The following SUDS3 variants were observed in gnomAD, a reference collection of about 807,000 sequenced individuals.
SUDS3 encodes sin3 histone deacetylase corepressor complex component SDS3.
SUDS3 carries 23 observed loss-of-function variants against 53.5 expected under a neutral mutation model. The observed-to-expected ratio is 0.43, with a 90% CI of 0.31 to 0.61. The LOEUF is 0.61. Ranked by LOEUF, SUDS3 falls within the 20% of genes least tolerant of loss-of-function variation. The pLI, the probability that SUDS3 is intolerant of heterozygous loss-of-function variation, is 0.10. For synonymous variants in SUDS3, 150 were observed against 148.5 expected (o/e 1.01, Z -0.08); for missense variants, 291 against 405.9 (o/e 0.72, Z 2.43).
At chr12:118,383,928 C>T (rs2046090569) in intron 2 of SUDS3, 84 bp from the exon 3 acceptor site, 2 of 1,283,756 alleles carry the variant, frequency 1.6e-6, no homozygotes, top group African/African-American at 3.0e-5. Context: ...CCCATAACAG[C>T]CCAGCTAATT....
At chr12:118,412,240 A>G (rs1404397253) in intron 11 of SUDS3, among the ~76,000 whole-genome samples, 1 of 152,238 alleles carries the variant, frequency 6.6e-6, no homozygotes, top group Non-Finnish European at 1.5e-5. Flanking sequence ...GTTGTTAGTT[A>G]AAGTTAAAAA....
Position 118,396,705 on chromosome 12 carries a change from T to C in SUDS3, c.518-3954T>C, listed in dbSNP as rs560152360. Among the ~76,000 whole-genome samples, 10 of 152,356 alleles carry C rather than the reference T, an allele frequency of 6.6e-5. No individual in the cohort carries two copies. The South Asian group carries it at 1.0e-3, about 16-fold the overall frequency. ...CTATAGGCAGGTATGCTGTTGGAAA[T>C]GAATGAATGGGCCTAGAGAAGTGCA... On this transcript the variant is annotated intron_variant, in intron 6 of 11. Transcript: ENST00000543473.
Position 118,416,352 on chromosome 12 carries a change from T to C in SUDS3, c.*1919T>C, listed in dbSNP as rs769842942. 1.3e-5 allele frequency: 2 copies of C among 152,122 alleles called. No homozygotes were observed. The highest frequency in any genetic ancestry group is 2.9e-5 in the Non-Finnish European group (2 of 68,024). 9.4% of individuals were successfully genotyped at this position (152,122 alleles called of 1,614,324 possible). A position where few individuals can be genotyped will look rare whatever the true frequency, so the allele number is the denominator to read the frequency against. ...TATTGATAACCACTGGGGTTCCGCA[T>C]TGAAGCAGGAACAAATTGCCTCTTT... On this transcript the variant is annotated 3_prime_UTR_variant, in exon 12 of 12. Coordinates refer to ENST00000543473, the MANE Select transcript of SUDS3 (RefSeq NM_022491.3).
intron 11 of SUDS3, 149 bp downstream of exon 11, chr12:118,411,306 C>T (rs1448621234): frequency 1.0e-5 from 7 of 687,742 alleles, no homozygotes; most frequent in Non-Finnish European, 1.7e-5. Flanking sequence ...GCAGAAATTG[C>T]ACATTGTCAA....
At chr12:118,383,875 A>T in intron 2 of SUDS3, 137 bp from the exon 3 acceptor site, 1 of 698,820 alleles carries the variant, frequency 1.4e-6, no homozygotes, top group South Asian at 2.0e-5. Flanking sequence ...GCCAGCAAGC[A>T]GACTTTACTT....
Position 118,414,592 on chromosome 12 carries a change from G to T in SUDS3, c.*159G>T. ...AGTGAATTCTTTAGGGCACTTTTGT[G>T]GCCGGATGCTTCCAACTTTGTCAGT... is the stretch of plus-strand genomic sequence containing the variant. On this transcript the variant is annotated 3_prime_UTR_variant, in exon 12 of 12. Transcript: ENST00000543473. The T allele has an allele frequency of 1.9e-6, 1 of 528,486 alleles. No homozygotes were observed. The highest frequency in any genetic ancestry group is 3.2e-6 in the Non-Finnish European group (1 of 310,722). The allele number at this position is 528,486 out of a possible 1,614,324, so 32.7% of individuals were successfully genotyped here.
chr12:118,405,742 C>T (rs2046303196), intron 10 of SUDS3, among the ~76,000 whole-genome samples: 2 of 152,224 alleles, frequency 1.3e-5, no homozygotes, highest in Non-Finnish European at 2.9e-5. Flanking sequence ...CCTGGGAATA[C>T]TGGCTGAGGT....
intron 5 of SUDS3, among the ~76,000 whole-genome samples, chr12:118,390,619 A>G (rs1314796105): frequency 6.6e-6 from 1 of 152,174 alleles, no homozygotes; most frequent in African/African-American, 2.4e-5. Flanking sequence ...TTAGCCCACC[A>G]TAGGCCCCTA....
intron 6 of SUDS3, among the ~76,000 whole-genome samples, chr12:118,393,659 CTT>C (rs536968059): frequency 2.1e-5 from 3 of 144,346 alleles, no homozygotes; most frequent in African/African-American, 7.6e-5. Context: ...TTCTTTCTTT[CTT>C]TTTTTTTTTT....
At chr12:118,396,581 C>T (rs926002329) in intron 6 of SUDS3, among the ~76,000 whole-genome samples, 8 of 152,196 alleles carry the variant, frequency 5.3e-5, no homozygotes, top group African/African-American at 1.7e-4. Context: ...AAGGATGACC[C>T]TTTGAATCAC....
intron 5 of SUDS3, among the ~76,000 whole-genome samples, 177 bp downstream of exon 5, chr12:118,390,123 G>T (rs1341563102): frequency 1.3e-5 from 2 of 152,172 alleles, no homozygotes; most frequent in Non-Finnish European, 2.9e-5. Flanking sequence ...GTCATTTGTT[G>T]TTGCGCAGCC....
chr12:118,383,095 T>C (rs943971745), intron 2 of SUDS3, among the ~76,000 whole-genome samples: 1 of 152,220 alleles, frequency 6.6e-6, no homozygotes, highest in Non-Finnish European at 1.5e-5. Flanking sequence ...TCTCAAATTC[T>C]GCCTACTCTC....
At chr12:118,383,990 T>A in intron 2 of SUDS3, 22 bp from the exon 3 acceptor site, 1 of 1,598,182 alleles carries the variant, frequency 6.3e-7, no homozygotes, top group Non-Finnish European at 8.5e-7. Context: ...TATCTGTTAG[T>A]GTGACTTTTT....
At chr12:118,384,557 G>A (rs1249466621) in intron 3 of SUDS3, among the ~76,000 whole-genome samples, 1 of 152,210 alleles carries the variant, frequency 6.6e-6, no homozygotes, top group African/African-American at 2.4e-5. Flanking sequence ...GTGAGGCCAG[G>A]CGCGGTGGCT....
chr12:118,401,709 CTT>C lies in SUDS3; in HGVS notation c.614-48_614-47del. 2.7e-6 allele frequency: 4 copies of C among 1,474,762 alleles called. No homozygotes were observed. In the South Asian group the frequency reaches 3.4e-5, roughly 13 times the overall value. The allele number at this position is 1,474,762 out of a possible 1,614,324, so 91.4% of individuals were successfully genotyped here. On this transcript the variant is annotated intron_variant, in intron 7 of 11. Coordinates refer to ENST00000543473, the MANE Select transcript of SUDS3 (RefSeq NM_022491.3). ...TACTGGTACCATTGTGTTGATTACT[CTT>C]TGCCTGGAAACTGTACTTTTCACAT...
intron 10 of SUDS3, among the ~76,000 whole-genome samples, chr12:118,406,736 T>C (rs882926): frequency 0.28 from 42,566 of 151,202 alleles, 6,101 homozygotes; most frequent in Middle Eastern, 0.39. Flanking sequence ...TTTACTACCC[T>C]GTTGATGTTG....
Position 118,376,588 on chromosome 12 carries a change from C to A in SUDS3, c.-104C>A. 1.6e-6 allele frequency: 2 copies of A among 1,242,952 alleles called. No individual in the cohort carries two copies. The highest frequency in any genetic ancestry group is 2.0e-6 in the Non-Finnish European group (2 of 989,526). The allele number at this position is 1,242,952 out of a possible 1,614,324, so 77.0% of individuals were successfully genotyped here. On this transcript the variant is annotated 5_prime_UTR_variant, in exon 1 of 12. Transcript: ENST00000543473. Reference sequence around the variant, plus strand: ...GGAAGGGGTCGCCGTGGCTGCCGGTCCTCGAGTTGGGGGCTGCCGCGGACA... The same window carrying A: ...GGAAGGGGTCGCCGTGGCTGCCGGTACTCGAGTTGGGGGCTGCCGCGGACA...
intron 10 of SUDS3, among the ~76,000 whole-genome samples, chr12:118,407,100 A>G (rs2046315177): frequency 6.6e-6 from 1 of 151,896 alleles, no homozygotes; most frequent in South Asian, 2.1e-4. Flanking sequence ...AGGTCTTGCT[A>G]TGTTGCCCAG....
intron 3 of SUDS3, among the ~76,000 whole-genome samples, chr12:118,384,735 A>G (rs1329913973): frequency 2.0e-5 from 3 of 152,060 alleles, no homozygotes; most frequent in African/African-American, 7.2e-5. Context: ...CTGGAGGCTG[A>G]GGCAGGAGAA....
Sources: gnomAD v4.1 joint callset for allele counts (sites outside exome capture counted in the v4.1 genomes callset) on GRCh38, gnomAD v4.1.1 for gene constraint, MANE v1.5 for transcripts, NCBI Gene and HGNC (gene_info 2026-07-23, HGNC 2026-07-21) for gene names.